The following TAFA1 variants were observed in gnomAD, a reference collection of about 807,000 sequenced individuals.
The protein encoded by TAFA1 is TAFA chemokine like family member 1.
A neutral mutation model predicts 18.5 loss-of-function variants in TAFA1; 4 were observed. That is an observed-to-expected ratio of 0.22 (90% CI 0.11 to 0.49). TAFA1 has a LOEUF of 0.49. TAFA1 is among the 20% of genes least tolerant of loss of function. TAFA1 has a pLI of 0.98. For synonymous variants in TAFA1, 56 were observed against 55.2 expected, an observed-to-expected ratio of 1.01 and a Z score of -0.06; for missense variants, 147 against 169.0, an observed-to-expected ratio of 0.87 and a Z score of 0.72.
chr3:68,242,821 T>C (rs909798734), intron 2 of TAFA1, among the ~76,000 whole-genome samples: 1 of 152,130 alleles, frequency 6.6e-6, no homozygotes, highest in Non-Finnish European at 1.5e-5. Flanking sequence ...GTGAGACGTG[T>C]GTGTGTGTGT....
chr3:68,359,297 TC>T (rs1483512300), intron 2 of TAFA1, among the ~76,000 whole-genome samples: 4 of 151,988 alleles, frequency 2.6e-5, no homozygotes, highest in African/African-American at 9.7e-5. Flanking sequence ...AGAATAATGA[TC>T]CCGCCAATGA....
chr3:68,035,979 T>C (rs560909092), intron 2 of TAFA1, among the ~76,000 whole-genome samples: 1 of 152,210 alleles, frequency 6.6e-6, no homozygotes, highest in Admixed American at 6.5e-5. Flanking sequence ...GATAGAAAAC[T>C]GATTAGTGGT....
chr3:68,164,278 G>C (rs1559543604), intron 2 of TAFA1, among the ~76,000 whole-genome samples: 1 of 152,218 alleles, frequency 6.6e-6, no homozygotes, highest in East Asian at 1.9e-4. Context: ...TTTTCAAACA[G>C]AATCTCAAAG....
intron 3 of TAFA1, among the ~76,000 whole-genome samples, chr3:68,514,158 C>T (rs1342333940): frequency 6.6e-6 from 1 of 152,158 alleles, no homozygotes; most frequent in African/African-American, 2.4e-5. Context: ...CTCCTCCTAA[C>T]ACTATCACTT....
intron 2 of TAFA1, among the ~76,000 whole-genome samples, chr3:68,031,783 A>G (rs1004901830): frequency 6.6e-6 from 1 of 152,202 alleles, no homozygotes; most frequent in Middle Eastern, 3.2e-3. Flanking sequence ...ACTATTTGTC[A>G]GAAGGTTAGA....
intron 2 of TAFA1, among the ~76,000 whole-genome samples, chr3:68,237,874 A>G (rs987317416): frequency 2.0e-5 from 3 of 152,224 alleles, no homozygotes; most frequent in African/African-American, 7.2e-5. Flanking sequence ...CAAGAATTAA[A>G]GAGAACTTTA....
At chr3:68,196,399 T>C (rs1433681315) in intron 2 of TAFA1, among the ~76,000 whole-genome samples, 1 of 151,758 alleles carries the variant, frequency 6.6e-6, no homozygotes. Context: ...AATCTATCTA[T>C]CTATAAATTA....
At chr3:68,138,402 T>C (rs2065632402) in intron 2 of TAFA1, among the ~76,000 whole-genome samples, 1 of 152,198 alleles carries the variant, frequency 6.6e-6, no homozygotes, top group Non-Finnish European at 1.5e-5. Context: ...GAAAGTAACA[T>C]ATTGTACATC....
intron 2 of TAFA1, among the ~76,000 whole-genome samples, chr3:68,355,685 A>G (rs1243446362): frequency 2.0e-5 from 3 of 152,026 alleles, no homozygotes; most frequent in African/African-American, 7.2e-5. Flanking sequence ...TTGATTGAGC[A>G]TACTTTATGT....
intron 2 of TAFA1, among the ~76,000 whole-genome samples, chr3:68,169,593 T>C (rs1043030986): frequency 3.3e-5 from 5 of 152,238 alleles, no homozygotes; most frequent in Non-Finnish European, 5.9e-5. Flanking sequence ...AGTTCATTAC[T>C]CTGCAATAAA....
chr3:68,505,595 A>G (rs2072734305), intron 3 of TAFA1, among the ~76,000 whole-genome samples: 3 of 152,116 alleles, frequency 2.0e-5, no homozygotes, highest in African/African-American at 4.8e-5. Flanking sequence ...AGGCTTAACT[A>G]TGGAAGATTC....
chr3:68,505,052 G>C (rs1319623640), intron 3 of TAFA1, among the ~76,000 whole-genome samples: 1 of 152,144 alleles, frequency 6.6e-6, no homozygotes, highest in Non-Finnish European at 1.5e-5. Context: ...AAAGATCAAA[G>C]CATGTTTGCT....
intron 2 of TAFA1, among the ~76,000 whole-genome samples, chr3:68,287,909 G>C (rs113741730): frequency 8.6e-6 from 1 of 115,814 alleles, no homozygotes; most frequent in South Asian, 3.6e-4. Context: ...GTTTTTGTTG[G>C]GGGGTGGGGG....
In TAFA1 at chr3:68,183,105, T is replaced by C. The variant is rs541427678; in HGVS notation, c.118+176361T>C. ...GTGTAGTTTTATCATCAATCAATAGTATACCTGCCCCATCGCTTTGGGTGA... is the reference window on the plus strand; with the variant it reads ...GTGTAGTTTTATCATCAATCAATAGCATACCTGCCCCATCGCTTTGGGTGA... On this transcript the variant is annotated intron_variant, in intron 2 of 4. Transcript: ENST00000478136. Among the ~76,000 whole-genome samples the C allele has an allele frequency of 3.3e-5, 5 of 152,290 alleles. 1 individual carries two copies. In the South Asian group the frequency reaches 1.0e-3, roughly 32 times the overall value.
In TAFA1 at chr3:68,545,562, T is replaced by C. The variant is rs1299674384; in HGVS notation, c.*1059T>C. ...CCATGAAAACAATTAGATTTCAAGA[T>C]GATCTATGTGACCAAATGTTGGACA... On this transcript the variant is annotated 3_prime_UTR_variant, in exon 5 of 5. Transcript: ENST00000478136. 6.6e-6 allele frequency: 1 copy of C among 152,610 alleles called. No homozygotes were observed. The highest frequency in any genetic ancestry group is 1.5e-5 in the Non-Finnish European group (1 of 68,030). The allele number at this position is 152,610 out of a possible 1,614,324, so 9.5% of individuals were successfully genotyped here.
chr3:68,323,217 G>A (rs1470931566), intron 2 of TAFA1, among the ~76,000 whole-genome samples: 1 of 152,168 alleles, frequency 6.6e-6, no homozygotes, highest in Non-Finnish European at 1.5e-5. Context: ...ATATTCCAGG[G>A]AGAACACTAC....
rs368971560 is a variant in TAFA1, at chr3:68,451,142, C to A, written c.259+33722C>A. Among the ~76,000 whole-genome samples the A allele has an allele frequency of 1.2e-4, 18 of 152,240 alleles. No homozygotes were observed. The East Asian group carries it at 3.5e-3, about 29-fold the overall frequency. The stretch of plus-strand genomic sequence containing the variant: ...GTAGCCCAGTTTATGCCCGTTGTCC[C>A]AATATCCAGGCTATGAAGCAGTCAT... On this transcript the variant is annotated intron_variant, in intron 3 of 4. Transcript: ENST00000478136.
At chr3:68,120,323 C>T (rs2065384292) in intron 2 of TAFA1, among the ~76,000 whole-genome samples, 2 of 151,504 alleles carry the variant, frequency 1.3e-5, no homozygotes, top group South Asian at 4.2e-4. Context: ...AATCTCAGTT[C>T]ACTACAACCT....
intron 3 of TAFA1, among the ~76,000 whole-genome samples, chr3:68,442,175 A>G (rs1305799187): frequency 6.6e-6 from 1 of 152,168 alleles, no homozygotes; most frequent in Non-Finnish European, 1.5e-5. Context: ...TGCTTATAAC[A>G]GAATCCCTGA....
Sources: gnomAD v4.1 joint callset for allele counts (sites outside exome capture counted in the v4.1 genomes callset) on GRCh38, gnomAD v4.1.1 for gene constraint, MANE v1.5 for transcripts, NCBI Gene and HGNC (gene_info 2026-07-23, HGNC 2026-07-21) for gene names.